ADK: variants seen among roughly 807,000 people sequenced by gnomAD.
ADK encodes the protein N6,N6-dimethyladenosine kinase.
Under a neutral mutation model 44.7 loss-of-function variants are expected in ADK, and 24 were observed. The observed-to-expected ratio is 0.54, with a 90% CI of 0.39 to 0.76. The LOEUF (loss-of-function observed/expected upper bound fraction) is 0.76, where lower values mean the gene tolerates loss of function less well. ADK is among the 30% of genes least tolerant of loss of function. The pLI is 0.00. For synonymous variants in ADK, 128 were observed against 142.6 expected (o/e 0.90, Z 0.73); for missense variants, 321 against 425.1 (o/e 0.76, Z 2.15).
chr10:74,540,563 G>A (rs12245560), intron 7 of ADK, among the ~76,000 whole-genome samples: 2,778 of 151,786 alleles, frequency 0.018, 85 homozygotes, highest in African/African-American at 0.063. Context: ...AGGTTCAAGC[G>A]ATTCTCAAGT....
chr10:74,208,719 A>ATTTTTTAT (rs1266128005), intron 2 of ADK, among the ~76,000 whole-genome samples: 2 of 151,596 alleles, frequency 1.3e-5, no homozygotes, highest in South Asian at 2.1e-4. Context: ...GTATATATAT[A>ATTTTTTAT]TTTTTTATTT....
intron 1 of ADK, among the ~76,000 whole-genome samples, chr10:74,165,177 G>A (rs1187086012): frequency 2.0e-5 from 3 of 152,200 alleles, no homozygotes. Flanking sequence ...GTATCAGCCA[G>A]ATGTGGCTTT....
At chr10:74,210,330 G>GA (rs57852507) in intron 2 of ADK, among the ~76,000 whole-genome samples, 1,935 of 84,866 alleles carry the variant, frequency 0.023, 75 homozygotes, top group African/African-American at 0.065. Context: ...TCCATCTCAG[G>GA]AAAAAAAAAA....
chr10:74,573,786 C>T (rs999003088), intron 7 of ADK, among the ~76,000 whole-genome samples: 28 of 152,222 alleles, frequency 1.8e-4, no homozygotes, highest in African/African-American at 6.5e-4. Context: ...CAGCGAGACT[C>T]CATGGGCGTA....
chr10:74,614,549 C>G, intron 9 of ADK, among the ~76,000 whole-genome samples: 1 of 152,074 alleles, frequency 6.6e-6, no homozygotes, highest in East Asian at 1.9e-4. Context: ...TGTGCCCCCT[C>G]CTAATCTTTA....
At chr10:74,216,268 T>A (rs1844013172) in intron 2 of ADK, among the ~76,000 whole-genome samples, 2 of 152,220 alleles carry the variant, frequency 1.3e-5, no homozygotes, top group South Asian at 2.1e-4. Context: ...GTGTAAATTT[T>A]AAAATATCTC....
intron 3 of ADK, among the ~76,000 whole-genome samples, chr10:74,287,992 A>AT (rs1190485422): frequency 6.6e-6 from 1 of 151,784 alleles, no homozygotes; most frequent in Non-Finnish European, 1.5e-5. Flanking sequence ...CAAAAAAAAA[A>AT]AAAAAAAAAG....
At chr10:74,629,157 A>G (rs755583873) in intron 9 of ADK, among the ~76,000 whole-genome samples, 2 of 151,854 alleles carry the variant, frequency 1.3e-5, no homozygotes, top group Non-Finnish European at 2.9e-5. Context: ...AGCCTCCCAT[A>G]TAGCTGGGAC....
chr10:74,449,823 G>A (rs1845709639), intron 6 of ADK, among the ~76,000 whole-genome samples: 1 of 152,148 alleles, frequency 6.6e-6, no homozygotes, highest in Non-Finnish European at 1.5e-5. Context: ...CTGGTATCGT[G>A]TGTTATTTAT....
chr10:74,291,155 C>T (rs1045748219), intron 3 of ADK, among the ~76,000 whole-genome samples: 11 of 152,236 alleles, frequency 7.2e-5, no homozygotes, highest in South Asian at 2.1e-4. Flanking sequence ...CGGTGGCTCA[C>T]GCCTGTAATC....
At chr10:74,432,510 A>G (rs562556853) in intron 6 of ADK, among the ~76,000 whole-genome samples, 1 of 152,280 alleles carries the variant, frequency 6.6e-6, no homozygotes, top group African/African-American at 2.4e-5. Flanking sequence ...GGAATGTATC[A>G]TTTATCTATA....
intron 10 of ADK, among the ~76,000 whole-genome samples, chr10:74,679,992 A>G (rs73278303): frequency 0.11 from 16,428 of 151,006 alleles, 1,451 homozygotes; most frequent in African/African-American, 0.23. Context: ...AGACAAGTAT[A>G]GAACTGTAAG....
chr10:74,562,816 G>A (rs1230881314), intron 7 of ADK, among the ~76,000 whole-genome samples: 1 of 152,198 alleles, frequency 6.6e-6, no homozygotes, highest in Non-Finnish European at 1.5e-5. Flanking sequence ...ACAAGCTGTT[G>A]TACTCTGTAA....
At chr10:74,474,603 G>A (rs1433869040) in intron 6 of ADK, among the ~76,000 whole-genome samples, 2 of 150,870 alleles carry the variant, frequency 1.3e-5, no homozygotes, top group Non-Finnish European at 2.9e-5. Context: ...GAGTGCAGTG[G>A]CGAGATCATG....
At chr10:74,387,298 T>C (rs974385867) in intron 4 of ADK, among the ~76,000 whole-genome samples, 1 of 152,212 alleles carries the variant, frequency 6.6e-6, no homozygotes. Flanking sequence ...TGTGCGAAAC[T>C]GAATCTTTGA....
At chr10:74,484,137 G>T (rs2133364042) in intron 6 of ADK, among the ~76,000 whole-genome samples, 1 of 152,288 alleles carries the variant, frequency 6.6e-6, no homozygotes, top group East Asian at 1.9e-4. Flanking sequence ...AAGAAAAGAG[G>T]TTTAATTGGC....
rs556948302 is a variant in ADK at position 74,551,152 on chromosome 10, C to T, written c.726+25726C>T. Among the ~76,000 whole-genome samples, 4 of 152,302 alleles carry T rather than the reference C, an allele frequency of 2.6e-5. No individual in the cohort carries two copies. The South Asian group carries it at 8.3e-4, about 32-fold the overall frequency. The stretch of plus-strand genomic sequence containing the variant: ...CCACACACATACAGTCATACAGTTA[C>T]AGCAAAGATGCCACTGGGATATAGA... On this transcript the variant is annotated intron_variant, in intron 7 of 10. Transcript: ENST00000539909.
chr10:74,395,013 GC>G (rs1843458794), intron 5 of ADK, among the ~76,000 whole-genome samples: 1 of 152,064 alleles, frequency 6.6e-6, no homozygotes. Context: ...TTCATGCACT[GC>G]TAACGTTATT....
intron 4 of ADK, among the ~76,000 whole-genome samples, chr10:74,361,951 C>A (rs1476688569): frequency 6.6e-6 from 1 of 152,170 alleles, no homozygotes; most frequent in Non-Finnish European, 1.5e-5. Flanking sequence ...ATCTTCCTTG[C>A]ATGTTATTTA....
Sources: allele counts gnomAD v4.1 joint callset (sites outside exome capture counted in the v4.1 genomes callset), GRCh38; gene constraint gnomAD v4.1.1; transcripts MANE v1.5; gene names NCBI Gene and HGNC (gene_info 2026-07-23, HGNC 2026-07-21).